CLSTN2: variants seen among roughly 807,000 people sequenced by gnomAD.
CLSTN2 encodes the protein calsyntenin 2.
Under a neutral mutation model 101.2 loss-of-function variants are expected in CLSTN2, and 48 were observed. That is an observed-to-expected ratio of 0.47 (90% CI 0.38 to 0.60). CLSTN2 has a LOEUF of 0.60. Among genes scored for constraint, CLSTN2 ranks in the 20% least tolerant of loss-of-function variants. The pLI, the probability that CLSTN2 is intolerant of heterozygous loss-of-function variation, is 0.00. For missense variants in CLSTN2, 1,160 were observed against 1,238.2 expected (o/e 0.94, Z 0.95); for synonymous variants, 481 against 463.6 (o/e 1.04, Z -0.48).
At chr3:140,525,147 A>G (rs72976028) in intron 8 of CLSTN2, among the ~76,000 whole-genome samples, 15,358 of 152,218 alleles carry the variant, frequency 0.1, 2,555 homozygotes, top group African/African-American at 0.35. Context: ...CAAAAGATCA[A>G]TAAAACCAAG....
intron 9 of CLSTN2, among the ~76,000 whole-genome samples, chr3:140,535,402 C>G (rs1285069958): frequency 3.9e-5 from 6 of 152,216 alleles, no homozygotes; most frequent in Admixed American, 3.9e-4. Context: ...AGCTGCTCTA[C>G]TATTGTATCT....
intron 2 of CLSTN2, among the ~76,000 whole-genome samples, chr3:140,385,074 T>C (rs1178775078): frequency 6.6e-6 from 1 of 152,200 alleles, no homozygotes; most frequent in Non-Finnish European, 1.5e-5. Flanking sequence ...GACTCATCTG[T>C]CAAATTGTTT....
chr3:140,055,504 A>T (rs964943818), intron 1 of CLSTN2, among the ~76,000 whole-genome samples: 1 of 152,252 alleles, frequency 6.6e-6, no homozygotes, highest in Non-Finnish European at 1.5e-5. Context: ...GACCAAGGAC[A>T]GGTTAACCAA....
intron 1 of CLSTN2, among the ~76,000 whole-genome samples, chr3:140,091,663 A>G (rs1421184975): frequency 6.6e-6 from 1 of 152,236 alleles, no homozygotes; most frequent in Non-Finnish European, 1.5e-5. Flanking sequence ...GGCGTGGGCC[A>G]TCCACAGCTC....
chr3:140,262,693 A>G (rs2086663882), intron 2 of CLSTN2, among the ~76,000 whole-genome samples: 1 of 152,166 alleles, frequency 6.6e-6, no homozygotes, highest in South Asian at 2.1e-4. Flanking sequence ...TGCAGTTTTC[A>G]GGGAAGATAG....
intron 1 of CLSTN2, among the ~76,000 whole-genome samples, chr3:140,060,770 C>T (rs1004560714): frequency 1.3e-5 from 2 of 152,212 alleles, no homozygotes; most frequent in African/African-American, 4.8e-5. Context: ...TGGTGGGCAA[C>T]ACAGGGACCC....
At chr3:140,142,794 C>T (rs1218456746) in intron 1 of CLSTN2, among the ~76,000 whole-genome samples, 2 of 152,142 alleles carry the variant, frequency 1.3e-5, no homozygotes, top group Non-Finnish European at 2.9e-5. Context: ...GTGATAAGCA[C>T]CTAATTTCCT....
In CLSTN2 at chr3:140,105,175, T is replaced by C. The variant is rs114032261; in HGVS notation, c.110-70776T>C. On this transcript the variant is annotated intron_variant, in intron 1 of 16. Transcript: ENST00000458420. ...ACTTACTTCTTTAAATTCATCCTCT[T>C]ATGATATATCATCTTTAAGTAATCT... Among the ~76,000 whole-genome samples the C allele has an allele frequency of 4.6e-3, 703 of 152,340 alleles. 10 individuals are homozygous for C. Among genetic ancestry groups the C allele is most frequent in the African/African-American group, 0.016 (680 of 41,584 alleles).
intron 8 of CLSTN2, chr3:140,507,550 G>C (rs1316694400): frequency 6.6e-6 from 1 of 152,156 alleles, no homozygotes; most frequent in Non-Finnish European, 1.5e-5. Flanking sequence ...CCTCGCTTCT[G>C]TGCCACAGGG....
intron 5 of CLSTN2, among the ~76,000 whole-genome samples, chr3:140,426,422 C>A (rs1176604554): frequency 1.3e-5 from 2 of 152,174 alleles, no homozygotes; most frequent in African/African-American, 4.8e-5. Context: ...ATAATGGTTT[C>A]CAGCTCCATC....
At chr3:140,437,328 G>A (rs556931973) in intron 5 of CLSTN2, among the ~76,000 whole-genome samples, 4 of 152,216 alleles carry the variant, frequency 2.6e-5, no homozygotes, top group African/African-American at 7.2e-5. Context: ...GATTACAGGC[G>A]TGAGCCACCA....
At chr3:140,033,865 T>C (rs1294320119) in intron 1 of CLSTN2, among the ~76,000 whole-genome samples, 2 of 152,320 alleles carry the variant, frequency 1.3e-5, no homozygotes, top group African/African-American at 4.8e-5. Context: ...AGCCCACTAA[T>C]CTACTGAGTT....
At chr3:139,945,427 A>G (rs1188427533) in intron 1 of CLSTN2, among the ~76,000 whole-genome samples, 1 of 152,234 alleles carries the variant, frequency 6.6e-6, no homozygotes, top group Non-Finnish European at 1.5e-5. Flanking sequence ...CATATTTAAG[A>G]AATCTTCGAG....
chr3:140,489,464 G>A (rs1934298766), intron 8 of CLSTN2, among the ~76,000 whole-genome samples: 1 of 152,162 alleles, frequency 6.6e-6, no homozygotes, highest in Non-Finnish European at 1.5e-5. Flanking sequence ...GAAGCTTAGA[G>A]TTTAGTGGGA....
intron 2 of CLSTN2, among the ~76,000 whole-genome samples, chr3:140,260,135 A>AAT (rs35851668): frequency 0.021 from 2,991 of 141,072 alleles, 53 homozygotes; most frequent in Middle Eastern, 0.056. Context: ...GTGAAAAAGA[A>AAT]ATATATATAT....
chr3:140,136,197 C>T (rs561231422), intron 1 of CLSTN2, among the ~76,000 whole-genome samples: 2 of 152,270 alleles, frequency 1.3e-5, no homozygotes, highest in East Asian at 1.9e-4. Flanking sequence ...ATCTTGGATT[C>T]CTATTGATGA....
chr3:140,354,136 T>G (rs1181125374), intron 2 of CLSTN2, among the ~76,000 whole-genome samples: 1 of 152,116 alleles, frequency 6.6e-6, no homozygotes, highest in Non-Finnish European at 1.5e-5. Flanking sequence ...GGATGGAGGA[T>G]GTAAGGCCAG....
At chr3:140,101,227 T>C (rs1398771934) in intron 1 of CLSTN2, among the ~76,000 whole-genome samples, 1 of 152,216 alleles carries the variant, frequency 6.6e-6, no homozygotes, top group Non-Finnish European at 1.5e-5. Context: ...TTCTGTCCTC[T>C]ACTCCTTTTC....
intron 2 of CLSTN2, among the ~76,000 whole-genome samples, chr3:140,202,653 T>C (rs537460800): frequency 2.0e-5 from 3 of 152,124 alleles, no homozygotes; most frequent in Non-Finnish European, 4.4e-5. Context: ...GGACAATTGG[T>C]AAACAGCTAG....
Sources: gnomAD v4.1 joint callset for allele counts (sites outside exome capture counted in the v4.1 genomes callset) on GRCh38, gnomAD v4.1.1 for gene constraint, MANE v1.5 for transcripts, NCBI Gene and HGNC (gene_info 2026-07-23, HGNC 2026-07-21) for gene names.